PDGFD: variants seen among roughly 807,000 people sequenced by gnomAD.
The protein encoded by PDGFD is platelet derived growth factor D.
In PDGFD, 30 loss-of-function variants were observed where a neutral mutation model predicts 44.7. That is an observed-to-expected ratio of 0.67 (90% CI 0.50 to 0.91). The LOEUF (loss-of-function observed/expected upper bound fraction) is 0.91. Among genes scored for constraint, PDGFD ranks in the 40% least tolerant of loss-of-function variants. PDGFD has a pLI of 0.00. For synonymous variants in PDGFD, 173 were observed against 168.4 expected (o/e 1.03, Z -0.21); for missense variants, 445 against 457.8 (o/e 0.97, Z 0.25).
At chr11:104,069,635 C>T (rs928272519) in intron 1 of PDGFD, among the ~76,000 whole-genome samples, 1 of 152,136 alleles carries the variant, frequency 6.6e-6, no homozygotes, top group African/African-American at 2.4e-5. Flanking sequence ...TCGAGGCCAG[C>T]GGATCACGAG....
intron 1 of PDGFD, among the ~76,000 whole-genome samples, chr11:104,054,505 T>C (rs970014574): frequency 6.6e-6 from 1 of 151,948 alleles, no homozygotes; most frequent in South Asian, 2.1e-4. Context: ...AAATGTGAAA[T>C]AATGTTCAAT....
At chr11:103,962,066 A>T (rs1296827134) in intron 3 of PDGFD, among the ~76,000 whole-genome samples, 2 of 152,196 alleles carry the variant, frequency 1.3e-5, no homozygotes, top group Non-Finnish European at 2.9e-5. Flanking sequence ...AAGAAACAAC[A>T]GATAGCTATT....
chr11:104,110,248 T>G (rs1239396564), intron 1 of PDGFD, among the ~76,000 whole-genome samples: 1 of 151,976 alleles, frequency 6.6e-6, no homozygotes, highest in Non-Finnish European at 1.5e-5. Context: ...GTGCTGCCAA[T>G]GAGGCTCTTT....
intron 4 of PDGFD, chr11:103,945,675 G>T (rs1442981829): frequency 6.6e-6 from 1 of 152,202 alleles, no homozygotes; most frequent in Non-Finnish European, 1.5e-5. Flanking sequence ...ACAGCTCTGG[G>T]GAAAGTGGCT....
intron 1 of PDGFD, among the ~76,000 whole-genome samples, chr11:104,139,160 G>C (rs919417197): frequency 2.0e-5 from 3 of 152,066 alleles, no homozygotes; most frequent in Non-Finnish European, 4.4e-5. Context: ...ATCTGATCTA[G>C]CAATAATGTA....
intron 1 of PDGFD, 134 bp downstream of exon 1, chr11:104,163,670 C>T (rs1363037168): frequency 9.0e-7 from 1 of 1,110,116 alleles, no homozygotes; most frequent in East Asian, 2.7e-5. Flanking sequence ...GGCAGGAGAC[C>T]TCCCTCCCCA....
intron 6 of PDGFD, among the ~76,000 whole-genome samples, chr11:103,921,588 T>A (rs1270949447): frequency 6.1e-5 from 9 of 148,484 alleles, no homozygotes; most frequent in Admixed American, 6.0e-4. Context: ...TACCCCCCCA[T>A]AAACCCACTG....
At chr11:104,026,624 C>A (rs1037044569) in intron 1 of PDGFD, among the ~76,000 whole-genome samples, 1 of 152,172 alleles carries the variant, frequency 6.6e-6, no homozygotes, top group African/African-American at 2.4e-5. Context: ...TTTAAAGGAA[C>A]ATTTGGATGC....
Position 103,916,313 on chromosome 11 carries a change from T to C in PDGFD, c.988-6494A>G, listed in dbSNP as rs1858124572. On this transcript the variant is annotated intron_variant, in intron 6 of 6. Transcript: ENST00000393158. ...GACACTTCTCAAAAGAAGACATTTA[T>C]GCAGCCAACAAACATATGAAAAAAA... Among the ~76,000 whole-genome samples, 4 of 132,448 alleles carry C rather than the reference T, an allele frequency of 3.0e-5. No homozygotes were observed. In the South Asian group the frequency reaches 1.0e-3, roughly 34 times the overall value. 86.9% of individuals were successfully genotyped at this position (132,448 alleles called of 152,430 possible). A position where few individuals can be genotyped will look rare whatever the true frequency, so the allele number is the denominator to read the frequency against.
At position 103,943,521 on chromosome 11, in the gene PDGFD, C is replaced by A. The variant is rs928553980; in HGVS notation, c.703G>T (p.Asp235Tyr). 9.3e-6 allele frequency: 15 copies of A among 1,613,434 alleles called. No homozygotes were observed. The highest frequency in any genetic ancestry group is 1.2e-5 in the Non-Finnish European group (14 of 1,179,628). Reference protein sequence around the residue: ...KYFNPESWQEDLENMYLDTPR... With the variant: ...KYFNPESWQEYLENMYLDTPR... ...GTGTCCAGATACATATTCTCAAGATCTTCTTGCCATGACTCTGGATTGAAG... is the reference window on the plus strand; with the variant it reads ...GTGTCCAGATACATATTCTCAAGATATTCTTGCCATGACTCTGGATTGAAG... Residue 235 changes from aspartate (D) to tyrosine (Y), a missense_variant, in exon 5 of 7, where the codon GAT becomes TAT. Coordinates refer to ENST00000393158, the MANE Select transcript of PDGFD (RefSeq NM_025208.5).
At chr11:103,986,618 C>A (rs1277265825) in intron 3 of PDGFD, among the ~76,000 whole-genome samples, 1 of 152,164 alleles carries the variant, frequency 6.6e-6, no homozygotes, top group Non-Finnish European at 1.5e-5. Context: ...TTTTAACCTC[C>A]AAGCTGTCCT....
At chr11:104,096,345 C>A (rs1397139392) in intron 1 of PDGFD, among the ~76,000 whole-genome samples, 1 of 151,668 alleles carries the variant, frequency 6.6e-6, no homozygotes, top group Admixed American at 6.6e-5. Flanking sequence ...GGAAAAAAAA[C>A]AGCAAATAGG....
At chr11:104,160,923 T>C (rs1252467265) in intron 1 of PDGFD, among the ~76,000 whole-genome samples, 1 of 152,218 alleles carries the variant, frequency 6.6e-6, no homozygotes, top group Non-Finnish European at 1.5e-5. Context: ...ATTTCTTAGC[T>C]ACTCCAGGTA....
intron 1 of PDGFD, among the ~76,000 whole-genome samples, chr11:104,026,936 AGGTAAGCCATATT>A (rs1243132419): frequency 1.3e-5 from 2 of 152,226 alleles, no homozygotes; most frequent in Non-Finnish European, 1.5e-5. Flanking sequence ...GTTGCACACA[AGGTAAGCCATATT>A]AACCTGACTT....
intron 1 of PDGFD, among the ~76,000 whole-genome samples, chr11:104,121,461 C>T (rs545701973): frequency 1.3e-5 from 2 of 152,130 alleles, no homozygotes; most frequent in Admixed American, 1.3e-4. Flanking sequence ...TGATACTAAA[C>T]TACCTTTTAG....
rs1198667551 is a variant in PDGFD at position 104,065,513 on chromosome 11, C to G, written c.125-65258G>C. Among the ~76,000 whole-genome samples the G allele has an allele frequency of 4.6e-5, 7 of 152,004 alleles. No homozygotes were observed. The East Asian group carries it at 1.3e-3, about 29-fold the overall frequency. On this transcript the variant is annotated intron_variant, in intron 1 of 6. Coordinates refer to ENST00000393158, the MANE Select transcript of PDGFD (RefSeq NM_025208.5). ...TACTTCATATAAAGAATTGACCTAACAGTTACTGGCAAATAAATATAAATA... is the reference window on the plus strand; with the variant it reads ...TACTTCATATAAAGAATTGACCTAAGAGTTACTGGCAAATAAATATAAATA...
intron 1 of PDGFD, chr11:104,038,429 T>C (rs998073793): frequency 5.5e-6 from 1 of 181,840 alleles, no homozygotes; most frequent in Non-Finnish European, 1.3e-5. Flanking sequence ...TCAGCACTAA[T>C]AATTCTTTCT....
intron 6 of PDGFD, among the ~76,000 whole-genome samples, chr11:103,921,740 A>AT (rs201773219): frequency 8.4e-4 from 126 of 149,362 alleles, no homozygotes; most frequent in African/African-American, 1.8e-3. Flanking sequence ...AGAAGAAGTC[A>AT]TTTTTTTTTC....
intron 6 of PDGFD, among the ~76,000 whole-genome samples, chr11:103,921,511 T>G (rs921100779): frequency 4.6e-5 from 7 of 152,068 alleles, no homozygotes; most frequent in African/African-American, 7.2e-5. Context: ...CTCGTTGACT[T>G]ATGATGGGGC....
Sources: gnomAD v4.1 joint callset for allele counts (sites outside exome capture counted in the v4.1 genomes callset) on GRCh38, gnomAD v4.1.1 for gene constraint, MANE v1.5 for transcripts, NCBI Gene and HGNC (gene_info 2026-07-23, HGNC 2026-07-21) for gene names.